Variants in ABHD2 observed in about 807,000 individuals in gnomAD.
ABHD2 encodes the protein abhydrolase domain containing 2, acylglycerol lipase.
Under a neutral mutation model 48.1 loss-of-function variants are expected in ABHD2, and 20 were observed. That is an observed-to-expected ratio of 0.42 (90% CI 0.29 to 0.60). ABHD2 has a LOEUF of 0.60. ABHD2 is among the 20% of genes least tolerant of loss of function. ABHD2 has a pLI of 0.24. For missense variants in ABHD2, 405 were observed against 550.9 expected, an observed-to-expected ratio of 0.74 and a Z score of 2.65; for synonymous variants, 209 against 214.2, an observed-to-expected ratio of 0.98 and a Z score of 0.21.
intron 1 of ABHD2, among the ~76,000 whole-genome samples, chr15:89,105,585 C>T (rs1177233535): frequency 6.6e-6 from 1 of 152,254 alleles, no homozygotes; most frequent in East Asian, 1.9e-4. Flanking sequence ...ATCTGTCAAT[C>T]CCTCCAGTTC....
rs1296152643 is a variant in ABHD2, at chr15:89,120,112, A to C, written c.194+3591A>C. Among the ~76,000 whole-genome samples the C allele has an allele frequency of 6.6e-6, 1 of 152,224 alleles. No homozygotes were observed. The highest frequency in any genetic ancestry group is 1.5e-5 in the Non-Finnish European group (1 of 68,040). On this transcript the variant is annotated intron_variant, in intron 3 of 10. Coordinates refer to ENST00000352732, the MANE Select transcript of ABHD2 (RefSeq NM_152924.5). This position sits in a 1 kb window ranked among gnomAD's most constrained non-coding sequence, Gnocchi z 4.2. ...TTGATGAAAGGTGAACATCGAAAGC[A>C]TGCTCGAGGAGCAGGGATTACTGTT...
chr15:89,152,232 C>G (rs1421340329), intron 4 of ABHD2, among the ~76,000 whole-genome samples: 1 of 152,060 alleles, frequency 6.6e-6, no homozygotes, highest in East Asian at 1.9e-4. Flanking sequence ...CCAGCCACCA[C>G]GCTCGGCTAA....
the ABHD2 span, among the ~76,000 whole-genome samples, chr15:89,048,154 A>G: frequency 2.0e-5 from 3 of 150,148 alleles, no homozygotes; most frequent in African/African-American, 7.3e-5. Flanking sequence ...TCCTTCACTT[A>G]TGAAGCTTAG....
At chr15:89,085,223 C>T (rs1307406343), upstream of ABHD2, among the ~76,000 whole-genome samples, 3 of 152,108 alleles carry the variant, frequency 2.0e-5, no homozygotes, top group East Asian at 5.8e-4. The surrounding 1 kb of genome is among the most constrained non-coding windows in gnomAD (Gnocchi z 4.2). Context: ...TACCCTCTCC[C>T]TTGTTCTTTT....
chr15:89,178,255 A>G (rs2051049394), intron 6 of ABHD2, among the ~76,000 whole-genome samples: 1 of 152,230 alleles, frequency 6.6e-6, no homozygotes, highest in Non-Finnish European at 1.5e-5. Context: ...TGCTGGTCCA[A>G]GGCTCAGGTA....
the ABHD2 span, among the ~76,000 whole-genome samples, chr15:89,056,431 C>G: frequency 6.6e-6 from 1 of 152,086 alleles, no homozygotes; most frequent in African/African-American, 2.4e-5. Flanking sequence ...AGGCACCGGG[C>G]ACAGATCGAG....
In ABHD2 at chr15:89,185,955, A is replaced by T. The variant is rs933562681; in HGVS notation, c.815+439A>T. Among the ~76,000 whole-genome samples the T allele has an allele frequency of 1.3e-5, 2 of 152,252 alleles. No homozygotes were observed. Among genetic ancestry groups the T allele is most frequent in the African/African-American group, 2.4e-5 (1 of 41,470 alleles). On this transcript the variant is annotated intron_variant, in intron 7 of 10. Transcript: ENST00000352732. The surrounding 1 kb of genome is among the most constrained non-coding windows in gnomAD (Gnocchi z 5.9). ...GCACCCCAGCCTGGGTGACAGAGCG[A>T]GACCCTGTCTGAAAAAAAAGAAAAG...
rs1379374034 is a variant in ABHD2, at chr15:89,184,507, C to T, written c.723-917C>T. Reference sequence around the variant, plus strand: ...TGAGTGTGGACTCAGTGTCCGCCTGCGTTTGGATTCACGCCCAAGGGAGGA... The same window carrying T: ...TGAGTGTGGACTCAGTGTCCGCCTGTGTTTGGATTCACGCCCAAGGGAGGA... On this transcript the variant is annotated intron_variant, in intron 6 of 10. Transcript: ENST00000352732. This position sits in a 1 kb window ranked among gnomAD's most constrained non-coding sequence, Gnocchi z 5.1. Among the ~76,000 whole-genome samples the T allele has an allele frequency of 2.0e-5, 3 of 151,994 alleles. No individual in the cohort carries two copies. The highest frequency in any genetic ancestry group is 6.5e-5 in the Admixed American group (1 of 15,270).
the ABHD2 span, among the ~76,000 whole-genome samples, chr15:89,073,625 G>C: frequency 3.2e-3 from 482 of 152,156 alleles, 4 homozygotes; most frequent in African/African-American, 0.011. Context: ...TCATTGGCCA[G>C]GTTTGGAAAC....
chr15:89,069,122 C>CTTTTTTT, the ABHD2 span, among the ~76,000 whole-genome samples: 3 of 124,906 alleles, frequency 2.4e-5, no homozygotes, highest in African/African-American at 9.6e-5. Context: ...CTTTTCTTTT[C>CTTTTTTT]TTTTTTTTTT....
At chr15:89,112,472 T>G (rs947710575) in intron 1 of ABHD2, among the ~76,000 whole-genome samples, 4 of 152,188 alleles carry the variant, frequency 2.6e-5, no homozygotes. Flanking sequence ...AAGACTTTGC[T>G]CTTCCGGCCC....
At chr15:89,060,048 C>A in the ABHD2 span, among the ~76,000 whole-genome samples, 5 of 150,312 alleles carry the variant, frequency 3.3e-5, no homozygotes, top group East Asian at 9.8e-4. Context: ...AAAGCTTGTC[C>A]CTTCAACACC....
Position 89,201,128 on chromosome 15 carries a change from A to G in ABHD2, c.*5705A>G. Reference sequence around the variant, plus strand: ...AGTGAAAATGGCTGCAATTACAACAAGAAGTGAAGGAAGAAGACTGGTGAC... The same window carrying G: ...AGTGAAAATGGCTGCAATTACAACAGGAAGTGAAGGAAGAAGACTGGTGAC... On this transcript the variant is annotated 3_prime_UTR_variant, in exon 11 of 11. Coordinates refer to ENST00000352732, the MANE Select transcript of ABHD2 (RefSeq NM_152924.5). 3 of 1,175,304 alleles carry G rather than the reference A, an allele frequency of 2.6e-6. No homozygotes were observed. The highest frequency in any genetic ancestry group is 2.4e-5 in the South Asian group (2 of 81,834). The allele number at this position is 1,175,304 out of a possible 1,614,324, so 72.8% of individuals were successfully genotyped here. A position where few individuals can be genotyped will look rare whatever the true frequency, so the allele number is the denominator to read the frequency against.
Position 89,167,016 on chromosome 15 carries a change from C to A in ABHD2, c.539-8796C>A, listed in dbSNP as rs2050847741. ...TAATTCATAACTTTATTAATAACTGCATCAGAACAATACATTCCAGGACCC... is the reference window on the plus strand; with the variant it reads ...TAATTCATAACTTTATTAATAACTGAATCAGAACAATACATTCCAGGACCC... On this transcript the variant is annotated intron_variant, in intron 5 of 10. Coordinates refer to ENST00000352732, the MANE Select transcript of ABHD2 (RefSeq NM_152924.5). The surrounding 1 kb of genome is among the most constrained non-coding windows in gnomAD (Gnocchi z 5.5). Among the ~76,000 whole-genome samples the A allele has an allele frequency of 6.6e-6, 1 of 152,108 alleles. No individual in the cohort carries two copies. The highest frequency in any genetic ancestry group is 6.5e-5 in the Admixed American group (1 of 15,270).
chr15:89,053,214 C>T, the ABHD2 span, among the ~76,000 whole-genome samples: 2 of 152,188 alleles, frequency 1.3e-5, no homozygotes, highest in African/African-American at 2.4e-5. Flanking sequence ...GATCCGCCCA[C>T]CTCAACCTCC....
intron 5 of ABHD2, among the ~76,000 whole-genome samples, chr15:89,172,049 G>C (rs2050938018): frequency 6.6e-6 from 1 of 151,744 alleles, no homozygotes; most frequent in Non-Finnish European, 1.5e-5. Context: ...AAATCCCCAG[G>C]TGATTCTAAT....
chr15:89,201,809 G>A lies in ABHD2; in HGVS notation c.*6386G>A. The A allele has an allele frequency of 1.5e-6, 2 of 1,343,250 alleles. No individual in the cohort carries two copies. The highest frequency in any genetic ancestry group is 2.1e-6 in the Non-Finnish European group (2 of 940,842). 83.2% of individuals were successfully genotyped at this position (1,343,250 alleles called of 1,614,324 possible). On this transcript the variant is annotated 3_prime_UTR_variant, in exon 11 of 11. Coordinates refer to ENST00000352732, the MANE Select transcript of ABHD2 (RefSeq NM_152924.5). Reference sequence around the variant, plus strand: ...CCCCGGAGGCAGACGCCATTGGAGAGACAGCGCAGAGCAGGGGGCGGCTTG... The same window carrying A: ...CCCCGGAGGCAGACGCCATTGGAGAAACAGCGCAGAGCAGGGGGCGGCTTG...
At chr15:89,132,676 C>G (rs916823491) in intron 3 of ABHD2, among the ~76,000 whole-genome samples, 14 of 152,170 alleles carry the variant, frequency 9.2e-5, no homozygotes, top group Non-Finnish European at 1.8e-4. Context: ...TTTTGAAAGC[C>G]ATTATCTTGT....
chr15:89,123,592 T>C (rs1273496487), intron 3 of ABHD2, among the ~76,000 whole-genome samples: 1 of 132,176 alleles, frequency 7.6e-6, no homozygotes, highest in African/African-American at 3.1e-5. Flanking sequence ...TTTCTTTCTT[T>C]CTTTTTTTTT....
Sources: allele counts gnomAD v4.1 joint callset (sites outside exome capture counted in the v4.1 genomes callset), GRCh38; gene constraint gnomAD v4.1.1; non-coding constraint Gnocchi (gnomAD v3.1); transcripts MANE v1.5; gene names NCBI Gene and HGNC (gene_info 2026-07-23, HGNC 2026-07-21).